IL5RA: variants seen among roughly 807,000 people sequenced by gnomAD.
IL5RA encodes interleukin 5 receptor subunit alpha.
IL5RA carries 49 observed loss-of-function variants against 50.0 expected under a neutral mutation model. That is an observed-to-expected ratio of 0.98 (90% CI 0.78 to 1.24). The LOEUF (loss-of-function observed/expected upper bound fraction) is 1.24. Ranked by LOEUF, IL5RA falls within the 50% of genes most tolerant of loss-of-function variation. The pLI is 0.00. For synonymous variants in IL5RA, 202 were observed against 174.0 expected (o/e 1.16, Z -1.26); for missense variants, 600 against 500.4 (o/e 1.20, Z -1.90).
chr3:3,085,839 A>T (rs1386742120), intron 9 of IL5RA, among the ~76,000 whole-genome samples: 1 of 152,182 alleles, frequency 6.6e-6, no homozygotes, highest in Non-Finnish European at 1.5e-5. Context: ...AAACTCCGAC[A>T]GGAAAGCAAA....
In IL5RA at chr3:3,095,513, C is replaced by T. The variant is rs1703318770; in HGVS notation, c.710-69G>A. On this transcript the variant is annotated intron_variant, in intron 7 of 11. Coordinates refer to ENST00000446632, the MANE Select transcript of IL5RA (RefSeq NM_175726.4). ...AGTGATCAAAGCTGATAATTCCAAT[C>T]CACCCACACTTCTCAAGGCATTTCT... 11 of 1,245,304 alleles carry T rather than the reference C, an allele frequency of 8.8e-6. No individual in the cohort carries two copies. In the South Asian group the frequency reaches 1.3e-4, roughly 14 times the overall value. 77.1% of individuals were successfully genotyped at this position (1,245,304 alleles called of 1,614,324 possible).
chr3:3,070,297 A>C lies in IL5RA; in HGVS notation c.1191T>G (p.Ser397Arg). ...AACAGATGACTTCAATTTCCGTCTC[A>C]CTGGACCCAGCTTTCTGCAAAACAA... ...VTTNYEKAGS[S>R]ETEIEVICYI... The change falls in exon 12 of 12, where the codon AGT (serine) becomes AGG (arginine). Residue 397 changes from serine to arginine, a missense_variant. Coordinates refer to ENST00000446632, the MANE Select transcript of IL5RA (RefSeq NM_175726.4). The C allele has an allele frequency of 3.1e-6, 5 of 1,612,108 alleles. No individual in the cohort carries two copies. In the South Asian group the frequency reaches 5.5e-5, roughly 18 times the overall value.
At chr3:3,105,633 C>CCCA (rs371149500) in intron 2 of IL5RA, 6 of 143,222 alleles carry the variant, frequency 4.2e-5, no homozygotes, top group Non-Finnish European at 9.1e-5. Context: ...TTCCCCCCCC[C>CCCA]ACCCCGCAAA....
intron 9 of IL5RA, chr3:3,090,298 C>A: frequency 2.2e-6 from 3 of 1,383,666 alleles, no homozygotes; most frequent in South Asian, 1.2e-5. Flanking sequence ...GATACACAAT[C>A]AATCCTTGTA....
intron 9 of IL5RA, among the ~76,000 whole-genome samples, chr3:3,089,328 C>G (rs1277164052): frequency 6.6e-6 from 1 of 152,168 alleles, no homozygotes. Context: ...ACGACCAGCC[C>G]CCTGGCAGAT....
chr3:3,096,914 C>T (rs1430799756), intron 7 of IL5RA, among the ~76,000 whole-genome samples: 1 of 152,200 alleles, frequency 6.6e-6, no homozygotes, highest in Non-Finnish European at 1.5e-5. Flanking sequence ...ACACAATTCT[C>T]ACGAAGACTG....
chr3:3,106,133 G>A (rs1703912764), intron 2 of IL5RA, among the ~76,000 whole-genome samples: 1 of 152,224 alleles, frequency 6.6e-6, no homozygotes, highest in Non-Finnish European at 1.5e-5. Context: ...CAGCTGTTAA[G>A]TAATGGAGCC....
intron 11 of IL5RA, among the ~76,000 whole-genome samples, chr3:3,071,444 G>C (rs1174287010): frequency 3.3e-5 from 5 of 152,152 alleles, no homozygotes; most frequent in African/African-American, 9.7e-5. Flanking sequence ...GTGAGATCTT[G>C]TCTCTATAAA....
In IL5RA at chr3:3,098,302, A is replaced by C; in HGVS notation, c.368-12T>G. 6.2e-7 allele frequency: 1 copy of C among 1,612,318 alleles called. No individual in the cohort carries two copies. Among genetic ancestry groups the C allele is most frequent in the South Asian group, 1.1e-5 (1 of 91,018 alleles). On this transcript the variant is annotated splice_polypyrimidine_tract_variant and intron_variant, in intron 5 of 11. Coordinates refer to ENST00000446632, the MANE Select transcript of IL5RA (RefSeq NM_175726.4). ...GGTTCCAGGAGACCCTAGGTAGTCA[A>C]AAGTAAAAAGGACAAAACATTGCCA...
At chr3:3,097,733 C>T in intron 7 of IL5RA, 137 bp downstream of exon 7, 1 of 897,788 alleles carries the variant, frequency 1.1e-6, no homozygotes, top group African/African-American at 1.7e-5. Flanking sequence ...AACCTTGCCC[C>T]AGTGGTTTTC....
chr3:3,086,638 G>A (rs1384830348), intron 9 of IL5RA, among the ~76,000 whole-genome samples: 1 of 151,834 alleles, frequency 6.6e-6, no homozygotes, highest in Non-Finnish European at 1.5e-5. Flanking sequence ...TTCGAGACCA[G>A]CCTGGGCAAC....
At chr3:3,099,495 G>A (rs1017153642) in intron 5 of IL5RA, among the ~76,000 whole-genome samples, 2 of 151,842 alleles carry the variant, frequency 1.3e-5, no homozygotes, top group Admixed American at 6.6e-5. Flanking sequence ...CAGGTGTGGC[G>A]GCATGTGCCT....
chr3:3,070,575 C>CTTTTTTTTTTTTTTTTTTTTT lies in IL5RA; in HGVS notation c.1177-285_1177-265dup, dbSNP rs71058670. On this transcript the variant is annotated intron_variant, in intron 11 of 11. Coordinates refer to ENST00000446632, the MANE Select transcript of IL5RA (RefSeq NM_175726.4). The stretch of plus-strand genomic sequence containing the variant: ...TACTTGAAGTCATATGGATACACAT[C>CTTTTTTTTTTTTTTTTTTTTT]TTTTTTTTTTTTTTTTTTTTTTTTT... 1.6e-4 allele frequency among the ~76,000 whole-genome samples: 14 copies of CTTTTTTTTTTTTTTTTTTTTT among 84,912 alleles called. 1 individual carries two copies. Among genetic ancestry groups the CTTTTTTTTTTTTTTTTTTTTT allele is most frequent in the African/African-American group, 7.0e-4 (13 of 18,472 alleles). 55.7% of individuals were successfully genotyped at this position (84,912 alleles called of 152,430 possible).
intron 1 of IL5RA, 116 bp downstream of exon 1, chr3:3,109,829 G>C (rs1438264549): frequency 6.6e-6 from 1 of 152,112 alleles, no homozygotes; most frequent in Non-Finnish European, 1.5e-5. Flanking sequence ...TCCCCACCCT[G>C]GGTGTAGTGA....
At chr3:3,084,278 A>G (rs1486030301) in intron 9 of IL5RA, among the ~76,000 whole-genome samples, 1 of 152,216 alleles carries the variant, frequency 6.6e-6, no homozygotes, top group Non-Finnish European at 1.5e-5. Context: ...GTGTCAACAA[A>G]TTCATCAAGA....
chr3:3,098,113 A>C, intron 6 of IL5RA, 24 bp downstream of exon 6: 1 of 1,614,028 alleles, frequency 6.2e-7, no homozygotes, highest in Non-Finnish European at 8.5e-7. Flanking sequence ...CATTTGCCTA[A>C]GTAAAAATAG....
At chr3:3,095,162 A>C in intron 8 of IL5RA, 137 bp downstream of exon 8, 1 of 635,920 alleles carries the variant, frequency 1.6e-6, no homozygotes, top group Non-Finnish European at 2.7e-6. Flanking sequence ...TTATATCTAT[A>C]ATACCTGGGT....
intron 11 of IL5RA, among the ~76,000 whole-genome samples, chr3:3,070,574 TC>T (rs1255539903): frequency 3.1e-5 from 4 of 130,554 alleles, no homozygotes; most frequent in Admixed American, 1.5e-4. Context: ...TGGATACACA[TC>T]TTTTTTTTTT....
Position 3,071,113 on chromosome 3 carries a change from C to A in IL5RA, c.1177-802G>T, listed in dbSNP as rs369753020. ...AAAATAAAATTGCCTGTAAGAGATC[C>A]TATTCCTTTATCTCATTTACTCATC... is the stretch of plus-strand genomic sequence containing the variant. On this transcript the variant is annotated intron_variant, in intron 11 of 11. Transcript: ENST00000446632. Among the ~76,000 whole-genome samples the A allele has an allele frequency of 4.2e-3, 641 of 152,242 alleles. 1 individual carries two copies. Among genetic ancestry groups the A allele is most frequent in the Middle Eastern group, 0.014 (4 of 294 alleles).
Sources: allele counts gnomAD v4.1 joint callset (sites outside exome capture counted in the v4.1 genomes callset), GRCh38; gene constraint gnomAD v4.1.1; transcripts MANE v1.5; gene names NCBI Gene and HGNC (gene_info 2026-07-23, HGNC 2026-07-21).